Variants in CSMD3 observed in about 807,000 individuals in gnomAD.
CSMD3 encodes CUB and sushi domain-containing protein 3.
In CSMD3, 177 loss-of-function variants were observed where a neutral mutation model predicts 435.2. That is an observed-to-expected ratio of 0.41 (90% CI 0.36 to 0.46). The LOEUF is 0.46. Among genes scored for constraint, CSMD3 ranks in the 20% least tolerant of loss-of-function variants. The pLI, the probability that CSMD3 is intolerant of heterozygous loss-of-function variation, is 0.34. For synonymous variants in CSMD3, 1,656 were observed against 1,520.5 expected (o/e 1.09, Z -2.07); for missense variants, 4,265 against 4,504.6 (o/e 0.95, Z 1.52).
chr8:112,308,578 G>A (rs1049307182), intron 50 of CSMD3, among the ~76,000 whole-genome samples: 6 of 152,048 alleles, frequency 3.9e-5, no homozygotes, highest in African/African-American at 1.2e-4. Flanking sequence ...TGTAAAAGAG[G>A]CTTGTCTATA....
intron 3 of CSMD3, among the ~76,000 whole-genome samples, chr8:113,195,901 C>A (rs1447926801): frequency 1.3e-5 from 2 of 149,004 alleles, no homozygotes; most frequent in Non-Finnish European, 3.0e-5. Context: ...AATCCATATC[C>A]ACCTTTTTGC....
chr8:113,260,987 G>A (rs901312949), intron 3 of CSMD3, among the ~76,000 whole-genome samples: 15 of 152,072 alleles, frequency 9.9e-5, no homozygotes, highest in African/African-American at 3.1e-4. Flanking sequence ...ATGGGCATTT[G>A]GGTTGGTTCC....
chr8:112,681,818 G>C (rs1380251776), intron 16 of CSMD3, among the ~76,000 whole-genome samples: 1 of 152,124 alleles, frequency 6.6e-6, no homozygotes, highest in Admixed American at 6.6e-5. Context: ...AGTGAGTTGA[G>C]ATTGCACCAT....
intron 22 of CSMD3, among the ~76,000 whole-genome samples, chr8:112,616,535 A>G (rs1447316181): frequency 6.6e-6 from 1 of 152,106 alleles, no homozygotes; most frequent in East Asian, 1.9e-4. Flanking sequence ...CCAACAATCA[A>G]TCCAATGTCT....
intron 13 of CSMD3, among the ~76,000 whole-genome samples, chr8:112,719,312 T>C (rs891757533): frequency 3.9e-5 from 6 of 152,144 alleles, no homozygotes; most frequent in African/African-American, 1.4e-4. Context: ...CAACATAATA[T>C]GCCCCCCAAA....
intron 32 of CSMD3, among the ~76,000 whole-genome samples, chr8:112,454,145 C>T (rs374293585): frequency 6.6e-6 from 1 of 152,104 alleles, no homozygotes; most frequent in African/African-American, 2.4e-5. Context: ...CTATAAAAAT[C>T]CTAAAAGAAA....
At chr8:113,160,202 G>A (rs1232770904) in intron 4 of CSMD3, among the ~76,000 whole-genome samples, 1 of 151,694 alleles carries the variant, frequency 6.6e-6, no homozygotes, top group African/African-American at 2.4e-5. Flanking sequence ...AATTTTAAAG[G>A]AGCATAACTT....
At chr8:112,294,093 G>C (rs548818462) in intron 54 of CSMD3, among the ~76,000 whole-genome samples, 119 of 152,024 alleles carry the variant, frequency 7.8e-4, no homozygotes, top group African/African-American at 2.8e-3. Context: ...TTGCTTGGGG[G>C]GGGTGTAGGG....
At chr8:112,439,791 T>C (rs1486281759) in intron 32 of CSMD3, among the ~76,000 whole-genome samples, 1 of 152,118 alleles carries the variant, frequency 6.6e-6, no homozygotes, top group Non-Finnish European at 1.5e-5. Context: ...TCAGCTCTTA[T>C]GAGAACTCAC....
At chr8:112,820,353 T>C (rs2079494714) in intron 12 of CSMD3, among the ~76,000 whole-genome samples, 1 of 152,146 alleles carries the variant, frequency 6.6e-6, no homozygotes, top group African/African-American at 2.4e-5. Context: ...CAATTGTTAA[T>C]CAATTGCTAT....
chr8:112,410,630 A>ATATATATATGTATATATATATGTG (rs1832290599), intron 32 of CSMD3, among the ~76,000 whole-genome samples: 1 of 80,072 alleles, frequency 1.2e-5, no homozygotes, highest in Admixed American at 1.4e-4. Context: ...ATATATGTGT[A>ATATATATATGTATATATATATGTG]TATATATGTA....
chr8:112,288,873 G>A (rs1251930561), intron 57 of CSMD3, among the ~76,000 whole-genome samples: 1 of 151,966 alleles, frequency 6.6e-6, no homozygotes, highest in Non-Finnish European at 1.5e-5. Context: ...TTAATAAAAT[G>A]AATTAGATTA....
chr8:112,754,191 A>C (rs531759311), intron 13 of CSMD3, among the ~76,000 whole-genome samples: 1 of 152,296 alleles, frequency 6.6e-6, no homozygotes, highest in African/African-American at 2.4e-5. Context: ...AAAGTAGTTG[A>C]GAAACCTGAT....
At chr8:112,946,643 T>A (rs1214970452) in intron 9 of CSMD3, among the ~76,000 whole-genome samples, 1 of 151,762 alleles carries the variant, frequency 6.6e-6, no homozygotes, top group African/African-American at 2.4e-5. Context: ...CATTAGTCAT[T>A]AAGGCTGAAA....
At chr8:112,667,369 C>T (rs2131713294) in intron 16 of CSMD3, among the ~76,000 whole-genome samples, 1 of 152,116 alleles carries the variant, frequency 6.6e-6, no homozygotes, top group African/African-American at 2.4e-5. Context: ...TTATTTTTAC[C>T]ATTTACTCCC....
In CSMD3 at chr8:112,304,709, G is replaced by C. The variant is rs780628309; in HGVS notation, c.8266+12C>G. Reference sequence around the variant, plus strand: ...TAGCTTATGAAATAAGTTTAGCAGAGTGTATACTTACTTTGGCAATATGGT... The same window carrying C: ...TAGCTTATGAAATAAGTTTAGCAGACTGTATACTTACTTTGGCAATATGGT... On this transcript the variant is annotated intron_variant, in intron 52 of 70. Coordinates refer to ENST00000297405, the MANE Select transcript of CSMD3 (RefSeq NM_198123.2). 6.3e-7 allele frequency: 1 copy of C among 1,588,772 alleles called. No individual in the cohort carries two copies. Among genetic ancestry groups the C allele is most frequent in the Non-Finnish European group, 8.6e-7 (1 of 1,156,940 alleles).
chr8:113,208,304 T>C (rs1359773100), intron 3 of CSMD3, among the ~76,000 whole-genome samples: 1 of 152,072 alleles, frequency 6.6e-6, no homozygotes, highest in East Asian at 1.9e-4. Context: ...CTTTCTGGAA[T>C]TGGGTTCAGG....
chr8:112,878,190 G>A (rs2081343233), intron 10 of CSMD3, among the ~76,000 whole-genome samples: 1 of 152,074 alleles, frequency 6.6e-6, no homozygotes, highest in South Asian at 2.1e-4. Context: ...CTAATATACA[G>A]AATCTACAAG....
intron 1 of CSMD3, among the ~76,000 whole-genome samples, chr8:113,378,611 G>C (rs995394137): frequency 4.6e-5 from 7 of 152,174 alleles, no homozygotes; most frequent in Non-Finnish European, 8.8e-5. Context: ...CCTAAAAAGA[G>C]CCTTGTTTGT....
Sources: gnomAD v4.1 joint callset for allele counts (sites outside exome capture counted in the v4.1 genomes callset) on GRCh38, gnomAD v4.1.1 for gene constraint, MANE v1.5 for transcripts, NCBI Gene and HGNC (gene_info 2026-07-23, HGNC 2026-07-21) for gene names.